The following SLC35D1 variants were observed in gnomAD, a reference collection of about 807,000 sequenced individuals.
SLC35D1 encodes solute carrier family 35 member D1.
A neutral mutation model predicts 46.7 loss-of-function variants in SLC35D1; 31 were observed. That is an observed-to-expected ratio of 0.66 (90% confidence interval 0.50 to 0.90). The LOEUF (loss-of-function observed/expected upper bound fraction) is 0.90, where lower values mean the gene tolerates loss of function less well. Ranked by LOEUF, SLC35D1 falls within the 40% of genes least tolerant of loss-of-function variation. SLC35D1 has a pLI of 0.00. For missense variants in SLC35D1, 397 were observed against 426.2 expected (o/e 0.93, Z 0.60); for synonymous variants, 195 against 164.6 (o/e 1.18, Z -1.41).
downstream of SLC35D1, among the ~76,000 whole-genome samples, chr1:66,996,674 G>A (rs1667241874): frequency 1.3e-5 from 2 of 152,166 alleles, no homozygotes; most frequent in Non-Finnish European, 2.9e-5. Context: ...AAGTTACCTG[G>A]TAAATGCTGA....
intron 10 of SLC35D1, among the ~76,000 whole-genome samples, chr1:67,015,497 C>A (rs1205779085): frequency 8.7e-6 from 1 of 115,584 alleles, no homozygotes; most frequent in South Asian, 4.0e-4. Flanking sequence ...TCAAGCAATT[C>A]TTCTGCCTCA....
intron 8 of SLC35D1, among the ~76,000 whole-genome samples, chr1:67,028,908 G>C (rs2815361): frequency 2.0e-5 from 3 of 151,952 alleles, no homozygotes; most frequent in African/African-American, 7.3e-5. Flanking sequence ...TGAGTCTTTT[G>C]TTATAGCTTT....
At position 67,002,758 on chromosome 1, in the gene SLC35D1, C is replaced by T. The variant is rs6672891; in HGVS notation, c.*1582G>A. The stretch of plus-strand genomic sequence containing the variant: ...AAATCAAAACCCTAACTGTTTAGGT[C>T]AACAGAGTCCAGTGGATTCCAAACC... On this transcript the variant is annotated 3_prime_UTR_variant, in exon 12 of 12. Coordinates refer to ENST00000235345, the MANE Select transcript of SLC35D1 (RefSeq NM_015139.3). 6.6e-6 allele frequency: 1 copy of T among 152,278 alleles called. No homozygotes were observed. The highest frequency in any genetic ancestry group is 2.4e-5 in the African/African-American group (1 of 41,420). The allele number at this position is 152,278 out of a possible 1,614,324, so 9.4% of individuals were successfully genotyped here. A position where few individuals can be genotyped will look rare whatever the true frequency, so the allele number is the denominator to read the frequency against.
the SLC35D1 span, among the ~76,000 whole-genome samples, chr1:66,975,750 A>G: frequency 6.6e-6 from 1 of 152,160 alleles, no homozygotes; most frequent in Non-Finnish European, 1.5e-5. Flanking sequence ...AAGCCGCAAG[A>G]GTAACTTAGT....
the SLC35D1 span, among the ~76,000 whole-genome samples, chr1:66,979,280 G>T: frequency 0.11 from 17,425 of 152,174 alleles, 2,412 homozygotes; most frequent in African/African-American, 0.34. Flanking sequence ...TGCACTTTAA[G>T]TGACTTCATA....
rs750369847 is a variant in SLC35D1, at chr1:67,049,854, C to A, written c.465-4G>T. Reference sequence around the variant, plus strand: ...AATACCCCAAGAAAAAGTCTTCCTACAAAACAAAAAATTTTAAAATACACA... The same window carrying A: ...AATACCCCAAGAAAAAGTCTTCCTAAAAAACAAAAAATTTTAAAATACACA... On this transcript the variant is annotated splice_polypyrimidine_tract_variant and splice_region_variant and intron_variant, in intron 5 of 11. Transcript: ENST00000235345. 9 of 1,610,742 alleles carry A rather than the reference C, an allele frequency of 5.6e-6. No individual in the cohort carries two copies. The highest frequency in any genetic ancestry group is 7.6e-6 in the Non-Finnish European group (9 of 1,177,782).
chr1:67,027,813 T>C (rs1315785357), intron 8 of SLC35D1, among the ~76,000 whole-genome samples: 4 of 152,138 alleles, frequency 2.6e-5, no homozygotes, highest in Admixed American at 6.5e-5. Context: ...CTCACTGCAA[T>C]CTCTGCCTCC....
In SLC35D1 at chr1:67,013,157, G is replaced by GATAT. The variant is rs964691631; in HGVS notation, c.877-3994_877-3991dup. 1.7e-4 allele frequency among the ~76,000 whole-genome samples: 5 copies of GATAT among 29,834 alleles called. 1 individual carries two copies. The highest frequency in any genetic ancestry group is 7.2e-4 in the African/African-American group (4 of 5,582). 19.6% of individuals were successfully genotyped at this position (29,834 alleles called of 152,430 possible). A position where few individuals can be genotyped will look rare whatever the true frequency, so the allele number is the denominator to read the frequency against. On this transcript the variant is annotated intron_variant, in intron 10 of 11. Transcript: ENST00000235345. ...ATAATTTAAGAACATATATCCTGGAGATATATATATATCCTGTTCTTAAAT... is the reference window on the plus strand; with the variant it reads ...ATAATTTAAGAACATATATCCTGGAGATATATATATATATATCCTGTTCTTAAAT...
At chr1:67,027,949 C>T (rs1667946090) in intron 8 of SLC35D1, among the ~76,000 whole-genome samples, 1 of 152,080 alleles carries the variant, frequency 6.6e-6, no homozygotes, top group South Asian at 2.1e-4. Flanking sequence ...CCAGGTTGGT[C>T]TCAAACTCCT....
chr1:67,036,166 C>T (rs191394124), intron 8 of SLC35D1, among the ~76,000 whole-genome samples: 14 of 152,160 alleles, frequency 9.2e-5, no homozygotes, highest in Admixed American at 2.0e-4. Flanking sequence ...AGCCACTGGA[C>T]GAAATGTTCC....
downstream of SLC35D1, among the ~76,000 whole-genome samples, chr1:66,996,240 A>G (rs967492049): frequency 6.6e-6 from 1 of 152,258 alleles, no homozygotes; most frequent in Admixed American, 6.5e-5. Flanking sequence ...TGTTGCCACA[A>G]GAGGGCACTT....
chr1:67,006,524 T>G (rs1667450468), intron 11 of SLC35D1, among the ~76,000 whole-genome samples: 1 of 152,212 alleles, frequency 6.6e-6, no homozygotes. Context: ...CTTTCTTATT[T>G]TTCCTGTTAA....
At chr1:67,015,874 A>G (rs1667674887) in intron 10 of SLC35D1, among the ~76,000 whole-genome samples, 1 of 152,174 alleles carries the variant, frequency 6.6e-6, no homozygotes, top group Non-Finnish European at 1.5e-5. Context: ...GCTTTTTAAA[A>G]TCTTTAAATT....
chr1:67,010,603 C>A (rs896149763), intron 10 of SLC35D1, among the ~76,000 whole-genome samples: 1 of 152,144 alleles, frequency 6.6e-6, no homozygotes, highest in East Asian at 1.9e-4. Flanking sequence ...GTCCCAAATA[C>A]TTGGGACCTG....
At chr1:67,019,995 C>A (rs1222061423) in intron 10 of SLC35D1, among the ~76,000 whole-genome samples, 3 of 152,202 alleles carry the variant, frequency 2.0e-5, no homozygotes, top group African/African-American at 7.2e-5. Flanking sequence ...AGCATACTTT[C>A]CCTACAAAAC....
At chr1:67,038,941 C>G (rs1324331025) in intron 8 of SLC35D1, among the ~76,000 whole-genome samples, 2 of 152,022 alleles carry the variant, frequency 1.3e-5, no homozygotes, top group Non-Finnish European at 2.9e-5. Flanking sequence ...TCAACTGGAA[C>G]TTTCCTTTAC....
At chr1:67,050,386 C>A (rs1193638288) in intron 5 of SLC35D1, 47 bp downstream of exon 5, 2 of 1,422,906 alleles carry the variant, frequency 1.4e-6, no homozygotes, top group African/African-American at 1.4e-5. Flanking sequence ...TGCTGGGCAC[C>A]TTTTCAAGGT....
chr1:67,007,016 T>C (rs930178232), intron 11 of SLC35D1, among the ~76,000 whole-genome samples: 5 of 152,188 alleles, frequency 3.3e-5, no homozygotes, highest in African/African-American at 1.2e-4. Context: ...ATGTTATCTA[T>C]CTAAGCTTGT....
intron 5 of SLC35D1, among the ~76,000 whole-genome samples, 176 bp from the exon 6 acceptor site, chr1:67,050,026 A>T (rs962958757): frequency 6.6e-6 from 1 of 152,254 alleles, no homozygotes; most frequent in Non-Finnish European, 1.5e-5. Context: ...TTATTGTTAT[A>T]TAAGTTATTA....
Sources: allele counts gnomAD v4.1 joint callset (sites outside exome capture counted in the v4.1 genomes callset), GRCh38; gene constraint gnomAD v4.1.1; transcripts MANE v1.5; gene names NCBI Gene and HGNC (gene_info 2026-07-23, HGNC 2026-07-21).